Variants in MTFR1 observed in about 807,000 individuals in gnomAD.
The protein encoded by MTFR1 is chondrocyte protein with a poly-proline region.
A neutral mutation model predicts 38.8 loss-of-function variants in MTFR1; 28 were observed. The observed-to-expected ratio is 0.72, with a 90% CI of 0.53 to 0.99. The LOEUF is 0.99. Ranked by LOEUF, MTFR1 falls within the 50% of genes least tolerant of loss-of-function variation. MTFR1 has a pLI of 0.00. For synonymous variants in MTFR1, 145 were observed against 137.0 expected, an observed-to-expected ratio of 1.06 and a Z score of -0.41; for missense variants, 358 against 395.5, an observed-to-expected ratio of 0.91 and a Z score of 0.81.
chr8:65,683,065 G>C (rs1166536321), intron 3 of MTFR1: 2 of 253,576 alleles, frequency 7.9e-6, no homozygotes, highest in African/African-American at 2.3e-5. Context: ...ACCAAATCTG[G>C]AGCAACTCTA....
chr8:65,768,707 T>G (rs1394456317), intron 3 of MTFR1, among the ~76,000 whole-genome samples: 6 of 152,212 alleles, frequency 3.9e-5, no homozygotes, highest in Non-Finnish European at 8.8e-5. Context: ...AAGAAAATAC[T>G]CCAAGAATGT....
intron 3 of MTFR1, chr8:65,727,298 C>T (rs1428803788): frequency 6.2e-7 from 1 of 1,612,100 alleles, no homozygotes; most frequent in Non-Finnish European, 8.5e-7. Context: ...ACAGAATTGG[C>T]AAGCTGAAGT....
chr8:65,698,991 G>A (rs1410311418), intron 4 of MTFR1, among the ~76,000 whole-genome samples: 1 of 152,198 alleles, frequency 6.6e-6, no homozygotes, highest in African/African-American at 2.4e-5. Context: ...GCCTCCCAAA[G>A]TGCTGGGATT....
intron 4 of MTFR1, among the ~76,000 whole-genome samples, chr8:65,699,266 G>C (rs985864390): frequency 1.3e-5 from 2 of 152,162 alleles, no homozygotes; most frequent in Non-Finnish European, 2.9e-5. Context: ...GGTTGGTTCC[G>C]TGTCTATGCT....
At chr8:65,649,728 C>T (rs1809065180) in intron 1 of MTFR1, among the ~76,000 whole-genome samples, 1 of 152,032 alleles carries the variant, frequency 6.6e-6, no homozygotes, top group African/African-American at 2.4e-5. Flanking sequence ...CTATCAAATT[C>T]TAGGTCTTAT....
intron 3 of MTFR1, chr8:65,689,559 A>C (rs893279114): frequency 3.2e-6 from 4 of 1,263,006 alleles, no homozygotes; most frequent in Non-Finnish European, 4.1e-6. Flanking sequence ...TTTTCCACTA[A>C]TAATAGCTGT....
At chr8:65,663,865 C>G (rs1258243408) in intron 1 of MTFR1, among the ~76,000 whole-genome samples, 1 of 143,618 alleles carries the variant, frequency 7.0e-6, no homozygotes, top group Non-Finnish European at 1.5e-5. Flanking sequence ...CACTCTGTCA[C>G]CCAGGCTGGA....
intron 4 of MTFR1, among the ~76,000 whole-genome samples, chr8:65,698,154 CTT>C (rs201836617): frequency 7.8e-6 from 1 of 128,608 alleles, no homozygotes; most frequent in Non-Finnish European, 1.7e-5. Flanking sequence ...TTTTTTTTTT[CTT>C]TTTTTTTTTT....
chr8:65,683,626 A>T (rs932736061), intron 3 of MTFR1, among the ~76,000 whole-genome samples: 5 of 152,240 alleles, frequency 3.3e-5, no homozygotes, highest in Admixed American at 6.5e-5. Flanking sequence ...CTCATCATTT[A>T]GAAATTCAGA....
At chr8:65,687,618 T>C (rs999440568) in intron 3 of MTFR1, among the ~76,000 whole-genome samples, 10 of 151,996 alleles carry the variant, frequency 6.6e-5, no homozygotes, top group Non-Finnish European at 1.5e-4. Context: ...GTGCTGGGAT[T>C]ACAGGCATGA....
chr8:65,699,688 G>A (rs578048296), intron 4 of MTFR1, among the ~76,000 whole-genome samples: 4 of 152,222 alleles, frequency 2.6e-5, no homozygotes, highest in African/African-American at 7.2e-5. Flanking sequence ...ATCTCTACAC[G>A]CTGCTCTGTT....
chr8:65,650,838 C>T (rs941909687), intron 1 of MTFR1, among the ~76,000 whole-genome samples: 4 of 152,164 alleles, frequency 2.6e-5, no homozygotes, highest in Non-Finnish European at 4.4e-5. Context: ...ATTGACGAGT[C>T]ATATGGTAGC....
intron 4 of MTFR1, among the ~76,000 whole-genome samples, chr8:65,701,637 C>T (rs1314297718): frequency 6.6e-6 from 1 of 152,132 alleles, no homozygotes; most frequent in South Asian, 2.1e-4. Context: ...GATGAACATA[C>T]TTATAAAAGT....
At chr8:65,754,000 C>G (rs1459342975) in intron 3 of MTFR1, among the ~76,000 whole-genome samples, 1 of 151,970 alleles carries the variant, frequency 6.6e-6, no homozygotes, top group African/African-American at 2.4e-5. Flanking sequence ...TAGATTAGTT[C>G]TGTCCCTCTA....
intron 3 of MTFR1, among the ~76,000 whole-genome samples, chr8:65,761,652 A>C (rs1808500185): frequency 6.6e-6 from 1 of 152,198 alleles, no homozygotes; most frequent in African/African-American, 2.4e-5. Context: ...ACCAAGAACA[A>C]ACTACCAGCC....
At chr8:65,708,897 T>C in intron 7 of MTFR1, 79 bp from the exon 8 acceptor site, 1 of 1,386,120 alleles carries the variant, frequency 7.2e-7, no homozygotes, top group Non-Finnish European at 1.0e-6. Flanking sequence ...AGCCCTCTAA[T>C]CCATGATTGG....
In MTFR1 at chr8:65,651,773, T is replaced by G. The variant is rs571146623; in HGVS notation, c.-81+6989T>G. On this transcript the variant is annotated intron_variant, in intron 1 of 7. Coordinates refer to ENST00000262146, the MANE Select transcript of MTFR1 (RefSeq NM_014637.4). ...ATAGCTTTGGCTATCCTGGGTCTTT[T>G]GTGGTTCCATATAAATTTTAGGATT... is the stretch of plus-strand genomic sequence containing the variant. Among the ~76,000 whole-genome samples the G allele has an allele frequency of 1.8e-4, 27 of 152,300 alleles. No homozygotes were observed. In the South Asian group the frequency reaches 5.0e-3, roughly 28 times the overall value.
At chr8:65,764,738 T>C (rs1249426771) in intron 3 of MTFR1, among the ~76,000 whole-genome samples, 1 of 151,564 alleles carries the variant, frequency 6.6e-6, no homozygotes, top group East Asian at 1.9e-4. Context: ...CAACTAAGTA[T>C]GAAACAAATA....
At chr8:65,711,606 A>G (rs1805950073), downstream of MTFR1, among the ~76,000 whole-genome samples, 1 of 152,106 alleles carries the variant, frequency 6.6e-6, no homozygotes, top group Non-Finnish European at 1.5e-5. Flanking sequence ...CTGCTACCCT[A>G]TTGATCCTAT....
Sources: gnomAD v4.1 joint callset for allele counts (sites outside exome capture counted in the v4.1 genomes callset) on GRCh38, gnomAD v4.1.1 for gene constraint, MANE v1.5 for transcripts, NCBI Gene and HGNC (gene_info 2026-07-23, HGNC 2026-07-21) for gene names.